Variants in RPS19 observed in about 807,000 individuals in gnomAD.
RPS19 encodes the protein small ribosomal subunit protein eS19.
RPS19 carries 1 observed loss-of-function variant against 20.3 expected under a neutral mutation model. The observed-to-expected ratio is 0.05, with a 90% CI of 0.02 to 0.23. The LOEUF is 0.23. Ranked by LOEUF, RPS19 falls within the 10% of genes least tolerant of loss-of-function variation. RPS19 has a pLI of 1.00. For synonymous variants in RPS19, 87 were observed against 74.8 expected, an observed-to-expected ratio of 1.16 and a Z score of -0.84; for missense variants, 111 against 192.7, an observed-to-expected ratio of 0.58 and a Z score of 2.51.
At chr19:41,861,450 G>C in intron 3 of RPS19, 1 of 552,952 alleles carries the variant, frequency 1.8e-6, no homozygotes, top group Non-Finnish European at 3.3e-6. Context: ...GGAAACCAGA[G>C]ACAGATGAAT....
rs147828200 is a variant in RPS19, at chr19:41,871,564, G to C, written c.*187G>C. ...CCCAAAGTGCTGGGATTACAAGTGT[G>C]AGCCACTGTGCCTGGTCTGGTTTGG... On this transcript the variant is annotated 3_prime_UTR_variant, in exon 6 of 6. Coordinates refer to ENST00000598742, the MANE Select transcript of RPS19 (RefSeq NM_001022.4). 261 of 613,742 alleles carry C rather than the reference G, an allele frequency of 4.3e-4. No homozygotes were observed. Among genetic ancestry groups the C allele is most frequent in the African/African-American group, 3.8e-3 (204 of 54,384 alleles). 38.0% of individuals were successfully genotyped at this position (613,742 alleles called of 1,614,324 possible).
At chr19:41,867,955 G>A (rs1361511693) in intron 3 of RPS19, among the ~76,000 whole-genome samples, 1 of 152,176 alleles carries the variant, frequency 6.6e-6, no homozygotes, top group Non-Finnish European at 1.5e-5. Context: ...CCTGATCTCA[G>A]GGCAGGAGTG....
intron 3 of RPS19, among the ~76,000 whole-genome samples, chr19:41,861,867 C>G (rs781896411): frequency 6.6e-6 from 1 of 152,218 alleles, no homozygotes; most frequent in Non-Finnish European, 1.5e-5. Flanking sequence ...CCAGCCCCGT[C>G]TCTTTTCAAT....
At chr19:41,869,546 C>A in intron 4 of RPS19, 153 bp from the exon 5 acceptor site, 1 of 764,012 alleles carries the variant, frequency 1.3e-6, no homozygotes, top group Non-Finnish European at 2.2e-6. Context: ...ACTACTGCCC[C>A]CAGCTCGTTA....
At chr19:41,867,413 C>T (rs1457497352) in intron 3 of RPS19, among the ~76,000 whole-genome samples, 3 of 152,174 alleles carry the variant, frequency 2.0e-5, no homozygotes, top group Non-Finnish European at 2.9e-5. Context: ...AAGTGATTCT[C>T]CTGCCCTGCC....
intron 4 of RPS19, 108 bp from the exon 5 acceptor site, chr19:41,869,591 G>C: frequency 8.2e-7 from 1 of 1,214,484 alleles, no homozygotes. Context: ...GTGGGACTTG[G>C]CTGGCGGCAG....
intron 3 of RPS19, chr19:41,864,579 T>A (rs1330278965): frequency 2.6e-5 from 4 of 152,254 alleles, no homozygotes; most frequent in African/African-American, 9.7e-5. Context: ...GGACCCTCCC[T>A]CTCGGTCTAG....
intron 3 of RPS19, among the ~76,000 whole-genome samples, chr19:41,863,662 C>T (rs1555839800): frequency 6.6e-6 from 1 of 151,742 alleles, no homozygotes. Context: ...AAGATGGGGC[C>T]CTCTTGAGGG....
rs2074157194 is a variant in RPS19, at chr19:41,872,264, T to G, written c.*887T>G. 1 of 152,248 alleles carries G rather than the reference T, an allele frequency of 6.6e-6. No individual in the cohort carries two copies. The highest frequency in any genetic ancestry group is 1.5e-5 in the Non-Finnish European group (1 of 68,052). The allele number at this position is 152,248 out of a possible 1,614,324, so 9.4% of individuals were successfully genotyped here. ...TGGAGGGGCAAGCCAGGAAAGAAAC[T>G]TAGGGCCCGCTGTGACCAGATGTCC... On this transcript the variant is annotated 3_prime_UTR_variant, in exon 6 of 6. Transcript: ENST00000598742.
intron 3 of RPS19, among the ~76,000 whole-genome samples, chr19:41,866,673 C>G (rs2074093337): frequency 6.6e-6 from 1 of 152,106 alleles, no homozygotes; most frequent in Non-Finnish European, 1.5e-5. Context: ...CAGGATGAAC[C>G]CCAATACCCA....
chr19:41,867,075 T>TGG (rs1286234299), intron 3 of RPS19, among the ~76,000 whole-genome samples: 1 of 151,592 alleles, frequency 6.6e-6, no homozygotes, highest in Non-Finnish European at 1.5e-5. Flanking sequence ...CCCAGCACTT[T>TGG]GGGAGGCCAA....
At chr19:41,866,844 G>A (rs1270390266) in intron 3 of RPS19, among the ~76,000 whole-genome samples, 3 of 151,690 alleles carry the variant, frequency 2.0e-5, no homozygotes, top group Non-Finnish European at 2.9e-5. Context: ...GTGAAACCCC[G>A]TCTCTACTAA....
chr19:41,863,959 C>A (rs1555839916), intron 3 of RPS19: 2 of 151,752 alleles, frequency 1.3e-5, no homozygotes, highest in African/African-American at 4.9e-5. Flanking sequence ...TCTCCTACCT[C>A]AGCCTCCCAA....
intron 1 of RPS19, 36 bp downstream of exon 1, chr19:41,860,325 C>T (rs930102): frequency 0.44 from 67,625 of 153,960 alleles, 16,266 homozygotes; most frequent in Middle Eastern, 0.69. Context: ...GGGCGCGAGG[C>T]GGCAGGGCCG....
At chr19:41,865,900 G>A (rs2074081545) in intron 3 of RPS19, among the ~76,000 whole-genome samples, 1 of 135,752 alleles carries the variant, frequency 7.4e-6, no homozygotes, top group Non-Finnish European at 1.5e-5. Context: ...AGTGAGCTGA[G>A]ATCACGCCAC....
In RPS19 at chr19:41,872,606, AAG is replaced by A. The variant is rs2074161367; in HGVS notation, c.*1231_*1232del. 1 of 152,254 alleles carries A rather than the reference AAG, an allele frequency of 6.6e-6. No homozygotes were observed. The highest frequency in any genetic ancestry group is 1.5e-5 in the Non-Finnish European group (1 of 68,090). 9.4% of individuals were successfully genotyped at this position (152,254 alleles called of 1,614,324 possible). A position where few individuals can be genotyped will look rare whatever the true frequency, so the allele number is the denominator to read the frequency against. On this transcript the variant is annotated 3_prime_UTR_variant, in exon 6 of 6. Coordinates refer to ENST00000598742, the MANE Select transcript of RPS19 (RefSeq NM_001022.4). ...CCCCAAACGTAAGGCGTAAGAGTTT[AAG>A]AAGTATCGGCCAGGCACAGTGGCTC...
intron 2 of RPS19, 122 bp from the exon 3 acceptor site, chr19:41,860,990 C>A (rs1355389668): frequency 3.6e-6 from 4 of 1,097,174 alleles, no homozygotes; most frequent in African/African-American, 3.1e-5. Flanking sequence ...GGCTTGTGTT[C>A]CGGTTCCAGC....
At position 41,872,413 on chromosome 19, in the gene RPS19, G is replaced by C. The variant is rs2074158985; in HGVS notation, c.*1036G>C. On this transcript the variant is annotated 3_prime_UTR_variant, in exon 6 of 6. Transcript: ENST00000598742. Reference sequence around the variant, plus strand: ...AGCCTGGGTTTTGAAGTTCAAACTAGAGTTTAAATCACAACTCTGCCCCTA... The same window carrying C: ...AGCCTGGGTTTTGAAGTTCAAACTACAGTTTAAATCACAACTCTGCCCCTA... 6.6e-6 allele frequency: 1 copy of C among 152,280 alleles called. No individual in the cohort carries two copies. Among genetic ancestry groups the C allele is most frequent in the South Asian group, 2.1e-4 (1 of 4,834 alleles). 9.4% of individuals were successfully genotyped at this position (152,280 alleles called of 1,614,324 possible). A position where few individuals can be genotyped will look rare whatever the true frequency, so the allele number is the denominator to read the frequency against.
chr19:41,867,099 C>G (rs1352716245), intron 3 of RPS19, among the ~76,000 whole-genome samples: 9 of 151,842 alleles, frequency 5.9e-5, no homozygotes, highest in African/African-American at 2.2e-4. Flanking sequence ...GGGTGGTTCA[C>G]TTCACTCCAG....
Sources: gnomAD v4.1 joint callset for allele counts (sites outside exome capture counted in the v4.1 genomes callset) on GRCh38, gnomAD v4.1.1 for gene constraint, MANE v1.5 for transcripts, NCBI Gene and HGNC (gene_info 2026-07-23, HGNC 2026-07-21) for gene names.